Variants in SNX13 observed in about 807,000 individuals in gnomAD.
The protein encoded by SNX13 is sorting nexin-13.
In SNX13, 45 loss-of-function variants were observed where a neutral mutation model predicts 133.6. The ratio of observed to expected loss-of-function variants is 0.34; its 90% confidence interval spans 0.27 to 0.43. The LOEUF is 0.43. Ranked by LOEUF, SNX13 falls within the 20% of genes least tolerant of loss-of-function variation. The pLI, the probability that SNX13 is intolerant of heterozygous loss-of-function variation, is 1.00. For missense variants in SNX13, 1,032 were observed against 1,145.1 expected, an observed-to-expected ratio of 0.90 and a Z score of 1.43; for synonymous variants, 414 against 373.9, an observed-to-expected ratio of 1.11 and a Z score of -1.24.
At chr7:17,818,771 A>C (rs1583352742) in intron 18 of SNX13, among the ~76,000 whole-genome samples, 1 of 152,208 alleles carries the variant, frequency 6.6e-6, no homozygotes, top group Non-Finnish European at 1.5e-5. Flanking sequence ...TTCTACATTA[A>C]AAACACAAGT....
intron 5 of SNX13, chr7:17,880,802 A>G (rs1193313374): frequency 3.9e-5 from 6 of 152,206 alleles, no homozygotes; most frequent in Non-Finnish European, 5.9e-5. Context: ...CAAAGACTAT[A>G]GATTAAGGAA....
intron 5 of SNX13, among the ~76,000 whole-genome samples, chr7:17,877,268 A>G (rs778204430): frequency 6.6e-6 from 1 of 152,058 alleles, no homozygotes; most frequent in African/African-American, 2.4e-5. Flanking sequence ...TATTTAGAAT[A>G]TAAGAGCCAT....
intron 13 of SNX13, among the ~76,000 whole-genome samples, chr7:17,838,824 T>C (rs1789482875): frequency 6.6e-6 from 1 of 151,834 alleles, no homozygotes; most frequent in Non-Finnish European, 1.5e-5. Context: ...TCCAATACTT[T>C]TAAATGGAGA....
intron 1 of SNX13, among the ~76,000 whole-genome samples, chr7:17,909,633 G>A (rs182158306): frequency 9.8e-4 from 150 of 152,294 alleles, no homozygotes; most frequent in African/African-American, 3.5e-3. Context: ...AACACTGCAT[G>A]TTCTCATTTG....
chr7:17,829,541 ATTTG>A (rs1788253639), intron 16 of SNX13, among the ~76,000 whole-genome samples: 1 of 150,958 alleles, frequency 6.6e-6, no homozygotes, highest in African/African-American at 2.4e-5. Flanking sequence ...AATGACCTGA[ATTTG>A]TTTTAGTGTA....
chr7:17,933,974 T>C (rs1458780980), intron 1 of SNX13, among the ~76,000 whole-genome samples: 1 of 152,172 alleles, frequency 6.6e-6, no homozygotes, highest in Non-Finnish European at 1.5e-5. Context: ...TTCAAACTAG[T>C]TCCCCAAAAT....
intron 17 of SNX13, among the ~76,000 whole-genome samples, chr7:17,824,845 T>C (rs539452274): frequency 4.5e-4 from 68 of 151,788 alleles, no homozygotes; most frequent in Non-Finnish European, 7.7e-4. Context: ...TCTCGGCTCA[T>C]TGAAACCTCC....
chr7:17,838,599 C>T (rs1440244912), intron 13 of SNX13, among the ~76,000 whole-genome samples: 1 of 151,540 alleles, frequency 6.6e-6, no homozygotes, highest in South Asian at 2.1e-4. Context: ...ATTTTTAAAG[C>T]TACAAATATT....
At chr7:17,928,145 C>T (rs1351975875) in intron 1 of SNX13, among the ~76,000 whole-genome samples, 2 of 152,178 alleles carry the variant, frequency 1.3e-5, no homozygotes, top group Non-Finnish European at 2.9e-5. Flanking sequence ...ATTAACACTT[C>T]ATTTCTTTCT....
intron 20 of SNX13, among the ~76,000 whole-genome samples, chr7:17,808,610 C>T (rs954374267): frequency 3.9e-5 from 6 of 152,124 alleles, no homozygotes; most frequent in Admixed American, 1.3e-4. Context: ...GAGAACACCA[C>T]AAAGATACTC....
At chr7:17,805,252 C>T (rs2691587) in intron 20 of SNX13, among the ~76,000 whole-genome samples, 51,218 of 92,944 alleles carry the variant, frequency 0.55, 10,510 homozygotes, top group East Asian at 0.69. Flanking sequence ...TGTGTGTGTG[C>T]GTGCGCGCGC....
chr7:17,817,602 G>A (rs1786802188), intron 18 of SNX13, among the ~76,000 whole-genome samples: 1 of 152,110 alleles, frequency 6.6e-6, no homozygotes, highest in Admixed American at 6.5e-5. Flanking sequence ...AAAGGTAAAA[G>A]CAGTTTTTTA....
At chr7:17,873,024 A>C (rs1794291358) in intron 8 of SNX13, among the ~76,000 whole-genome samples, 1 of 152,212 alleles carries the variant, frequency 6.6e-6, no homozygotes, top group African/African-American at 2.4e-5. Context: ...CTGTCCAAAA[A>C]TGTTATTTTT....
Position 17,831,354 on chromosome 7 carries a change from C to T in SNX13, c.1598-1307G>A, listed in dbSNP as rs542499631. On this transcript the variant is annotated intron_variant, in intron 15 of 25. Transcript: ENST00000428135. Reference sequence around the variant, plus strand: ...GCATAATTCATATAGTTTTAAAAGCCTATGAGACTGTTTTAATAAAGGAGA... The same window carrying T: ...GCATAATTCATATAGTTTTAAAAGCTTATGAGACTGTTTTAATAAAGGAGA... 80 of 847,778 alleles carry T rather than the reference C, an allele frequency of 9.4e-5. No individual in the cohort carries two copies. In the Middle Eastern group the frequency reaches 2.5e-3, roughly 26 times the overall value. The allele number at this position is 847,778 out of a possible 1,614,324, so 52.5% of individuals were successfully genotyped here. A position where few individuals can be genotyped will look rare whatever the true frequency, so the allele number is the denominator to read the frequency against.
At chr7:17,927,009 G>A (rs1038533121) in intron 1 of SNX13, among the ~76,000 whole-genome samples, 2 of 151,952 alleles carry the variant, frequency 1.3e-5, no homozygotes, top group Admixed American at 6.6e-5. Context: ...AGCAATCAAA[G>A]AAATCCAAAA....
intron 5 of SNX13, among the ~76,000 whole-genome samples, chr7:17,877,687 T>C (rs980645970): frequency 7.2e-5 from 11 of 152,062 alleles, no homozygotes. Context: ...TTATAGAGGA[T>C]GTAATGACAT....
intron 1 of SNX13, among the ~76,000 whole-genome samples, chr7:17,926,676 C>A (rs997800386): frequency 2.0e-5 from 3 of 152,018 alleles, no homozygotes; most frequent in African/African-American, 7.2e-5. Context: ...ACTTTGAGCT[C>A]GGGAGTTTGA....
intron 18 of SNX13, among the ~76,000 whole-genome samples, chr7:17,817,917 C>T (rs1786844928): frequency 6.6e-6 from 1 of 151,978 alleles, no homozygotes; most frequent in Non-Finnish European, 1.5e-5. Flanking sequence ...ATGTTGAAGC[C>T]CTAACATTCA....
intron 20 of SNX13, among the ~76,000 whole-genome samples, chr7:17,808,164 C>A (rs1261978801): frequency 6.6e-6 from 1 of 152,012 alleles, no homozygotes; most frequent in Non-Finnish European, 1.5e-5. Flanking sequence ...CTCCTCTGAC[C>A]TAAAGGAGCA....
Sources: gnomAD v4.1 joint callset for allele counts (sites outside exome capture counted in the v4.1 genomes callset) on GRCh38, gnomAD v4.1.1 for gene constraint, MANE v1.5 for transcripts, NCBI Gene and HGNC (gene_info 2026-07-23, HGNC 2026-07-21) for gene names.